RAD9B: variants seen among roughly 807,000 people sequenced by gnomAD.
The protein encoded by RAD9B is cell cycle checkpoint control protein RAD9B.
Under a neutral mutation model 48.3 loss-of-function variants are expected in RAD9B, and 41 were observed. The observed-to-expected ratio is 0.85, with a 90% CI of 0.66 to 1.10. The LOEUF (loss-of-function observed/expected upper bound fraction) is 1.10. Ranked by LOEUF, RAD9B falls within the 50% of genes least tolerant of loss-of-function variation. The pLI is 0.00. For synonymous variants in RAD9B, 160 were observed against 157.9 expected (o/e 1.01, Z -0.10); for missense variants, 444 against 485.1 (o/e 0.92, Z 0.80).
At position 110,503,835 on chromosome 12, in the gene RAD9B, C is replaced by T. The variant is rs1343791286; in HGVS notation, c.76C>T (p.Arg26Ter). 17 of 1,604,962 alleles carry T rather than the reference C, an allele frequency of 1.1e-5. No homozygotes were observed. The highest frequency in any genetic ancestry group is 1.4e-5 in the Non-Finnish European group (16 of 1,176,200). The change falls in exon 2 of 11, where the codon CGA (arginine) becomes TGA (stop). Residue 26 changes from arginine (R) to a stop codon, truncating the protein, a stop_gained. Coordinates refer to ENST00000409300, the MANE Select transcript of RAD9B (RefSeq NM_001286535.2). LOFTEE classifies it high-confidence loss of function. ...TGGGAAAGCAGTTCAAGCTCTATCACGAATTAGTGACGAGTTCTGGCTAGA... is the reference window on the plus strand; with the variant it reads ...TGGGAAAGCAGTTCAAGCTCTATCATGAATTAGTGACGAGTTCTGGCTAGA... ...VFGKAVQALS[R>*]ISDEFWLDPS...
chr12:110,522,485 A>C, intron 10 of RAD9B, 74 bp downstream of exon 10: 1 of 990,974 alleles, frequency 1.0e-6, no homozygotes, highest in Non-Finnish European at 1.5e-6. Flanking sequence ...TTCCTCCCCA[A>C]TCCCCACCCA....
rs1459414182 is a variant in RAD9B, at chr12:110,531,460, G to A, written c.*807G>A. On this transcript the variant is annotated 3_prime_UTR_variant, in exon 11 of 11. Coordinates refer to ENST00000409300, the MANE Select transcript of RAD9B (RefSeq NM_001286535.2). ...GCCCACCTCGGCCTCCCAAAGTGCT[G>A]GGATTACAGACTTGAGCCACTGCGC... 8 of 734,374 alleles carry A rather than the reference G, an allele frequency of 1.1e-5. No individual in the cohort carries two copies. Among genetic ancestry groups the A allele is most frequent in the Admixed American group, 7.5e-5 (3 of 40,106 alleles). The allele number at this position is 734,374 out of a possible 1,614,324, so 45.5% of individuals were successfully genotyped here. A position where few individuals can be genotyped will look rare whatever the true frequency, so the allele number is the denominator to read the frequency against.
chr12:110,519,968 T>A (rs2063725694), intron 9 of RAD9B, 52 bp downstream of exon 9: 1 of 1,556,218 alleles, frequency 6.4e-7, no homozygotes, highest in East Asian at 2.3e-5. Context: ...ATCATAATCT[T>A]ATTTTGAAAT....
intron 8 of RAD9B, among the ~76,000 whole-genome samples, 196 bp from the exon 9 acceptor site, chr12:110,519,598 T>A (rs908895495): frequency 6.8e-6 from 1 of 147,266 alleles, no homozygotes; most frequent in Admixed American, 6.8e-5. Flanking sequence ...GCCCGGCTAA[T>A]TTTTTTTTTG....
intron 4 of RAD9B, 144 bp downstream of exon 4, chr12:110,506,837 A>T: frequency 1.5e-5 from 7 of 467,914 alleles, no homozygotes; most frequent in Non-Finnish European, 1.9e-5. Flanking sequence ...AGTTTGAAGT[A>T]TTATCCTTTT....
Position 110,532,698 on chromosome 12 carries a change from A to G in RAD9B, c.*2045A>G, listed in dbSNP as rs2064171237. ...TGGAGCTGCCCTATACAGGTGTACCATTTTTTTGTCTTTCATACCATAGTT... is the reference window on the plus strand; with the variant it reads ...TGGAGCTGCCCTATACAGGTGTACCGTTTTTTTGTCTTTCATACCATAGTT... On this transcript the variant is annotated 3_prime_UTR_variant, in exon 11 of 11. Transcript: ENST00000409300. 6.6e-6 allele frequency among the ~76,000 whole-genome samples: 1 copy of G among 152,168 alleles called. No individual in the cohort carries two copies. Among genetic ancestry groups the G allele is most frequent in the Admixed American group, 6.5e-5 (1 of 15,274 alleles).
Position 110,512,780 on chromosome 12 carries a change from T to A in RAD9B, c.390T>A (p.Gly130=). The part of the protein sequence containing the change: ...KVVIQFFYRH[G]IKRTHNICFQ... The stretch of plus-strand genomic sequence containing the variant: ...AGAGGTGGCTTTATTCTTTTTAAGG[T>A]ATTAAAAGAACTCATAATATATGTT... Residue 130 remains glycine, a splice_region_variant and synonymous_variant, in exon 5 of 11, where the codon GGT becomes GGA. Coordinates refer to ENST00000409300, the MANE Select transcript of RAD9B (RefSeq NM_001286535.2). 4 of 1,242,232 alleles carry A rather than the reference T, an allele frequency of 3.2e-6. No individual in the cohort carries two copies. The highest frequency in any genetic ancestry group is 4.6e-6 in the Non-Finnish European group (4 of 873,294). 77.0% of individuals were successfully genotyped at this position (1,242,232 alleles called of 1,614,324 possible). A position where few individuals can be genotyped will look rare whatever the true frequency, so the allele number is the denominator to read the frequency against.
chr12:110,507,763 G>C (rs913020325), intron 4 of RAD9B, among the ~76,000 whole-genome samples: 1 of 151,032 alleles, frequency 6.6e-6, no homozygotes, highest in African/African-American at 2.4e-5. Context: ...CAATTCTCCT[G>C]CCTCAGCCTG....
At chr12:110,519,726 ATTTCTAATGTG>A in intron 8 of RAD9B, 57 bp from the exon 9 acceptor site, 1 of 1,503,604 alleles carries the variant, frequency 6.7e-7, no homozygotes, top group Non-Finnish European at 8.9e-7. Flanking sequence ...ATTAAGTATC[ATTTCTAATGTG>A]TTTCTAATGT....
At chr12:110,504,319 A>G (rs1219456300) in intron 2 of RAD9B, among the ~76,000 whole-genome samples, 1 of 151,818 alleles carries the variant, frequency 6.6e-6, no homozygotes, top group Non-Finnish European at 1.5e-5. Context: ...AAATATAAAA[A>G]TTAGCCTGGC....
chr12:110,519,402 C>CCACGCCCAG (rs1314853509), intron 8 of RAD9B, among the ~76,000 whole-genome samples: 1 of 149,524 alleles, frequency 6.7e-6, no homozygotes, highest in African/African-American at 2.5e-5. Flanking sequence ...TAGCACCCGG[C>CCACGCCCAG]CTACTGTTTG....
intron 2 of RAD9B, among the ~76,000 whole-genome samples, chr12:110,505,130 C>T (rs371459574): frequency 6.6e-6 from 1 of 151,970 alleles, no homozygotes; most frequent in Non-Finnish European, 1.5e-5. Flanking sequence ...TATATGTATA[C>T]ACCTATATAT....
At chr12:110,507,133 C>T (rs984508119) in intron 4 of RAD9B, among the ~76,000 whole-genome samples, 18 of 151,918 alleles carry the variant, frequency 1.2e-4, no homozygotes, top group Non-Finnish European at 1.9e-4. Context: ...CTGCACCTGG[C>T]CTGAGCCAGG....
chr12:110,514,514 GT>G (rs1565887681), intron 5 of RAD9B, among the ~76,000 whole-genome samples: 2 of 152,124 alleles, frequency 1.3e-5, no homozygotes, highest in Non-Finnish European at 2.9e-5. Flanking sequence ...CAATAAAACT[GT>G]TTTTGAAAAA....
At chr12:110,528,473 A>G (rs1165566380) in intron 10 of RAD9B, among the ~76,000 whole-genome samples, 1 of 152,116 alleles carries the variant, frequency 6.6e-6, no homozygotes, top group East Asian at 1.9e-4. Flanking sequence ...TCCTCCCTGC[A>G]GGACAGCTCT....
In RAD9B at chr12:110,532,406, A is replaced by ATTAT. The variant is rs2064164143; in HGVS notation, c.*1755_*1758dup. 2.6e-5 allele frequency among the ~76,000 whole-genome samples: 4 copies of ATTAT among 152,198 alleles called. No homozygotes were observed. Among genetic ancestry groups the ATTAT allele is most frequent in the Admixed American group, 2.6e-4 (4 of 15,278 alleles). On this transcript the variant is annotated 3_prime_UTR_variant, in exon 11 of 11. Transcript: ENST00000409300. The stretch of plus-strand genomic sequence containing the variant: ...AATAGCCTGGATGCAGCATTGGACT[A>ATTAT]TTATTATAGTTAATACTGGCGGGGT...
chr12:110,524,937 A>T (rs1183752271), intron 10 of RAD9B, among the ~76,000 whole-genome samples: 2 of 152,066 alleles, frequency 1.3e-5, no homozygotes. Context: ...AATAAGAGAT[A>T]ATCACTTCAA....
At chr12:110,524,781 C>T (rs1283801917) in intron 10 of RAD9B, among the ~76,000 whole-genome samples, 1 of 151,690 alleles carries the variant, frequency 6.6e-6, no homozygotes, top group Non-Finnish European at 1.5e-5. Flanking sequence ...AGGCTGGTCT[C>T]AAACTTCTGG....
intron 4 of RAD9B, 40 bp from the exon 5 acceptor site, chr12:110,512,739 G>T (rs1341494160): frequency 3.7e-6 from 3 of 820,060 alleles, no homozygotes; most frequent in Non-Finnish European, 2.0e-6. Context: ...TGTTAGTTTT[G>T]TACTTAAAAT....
Sources: allele counts gnomAD v4.1 joint callset (sites outside exome capture counted in the v4.1 genomes callset), GRCh38; gene constraint gnomAD v4.1.1; transcripts MANE v1.5; gene names NCBI Gene and HGNC (gene_info 2026-07-23, HGNC 2026-07-21).